MIS18A: variants seen among roughly 807,000 people sequenced by gnomAD.
The protein encoded by MIS18A is protein Mis18-alpha.
MIS18A carries 14 observed loss-of-function variants against 25.0 expected under a neutral mutation model. The ratio of observed to expected loss-of-function variants is 0.56; its 90% CI spans 0.37 to 0.88. MIS18A has a LOEUF of 0.88. Ranked by LOEUF, MIS18A falls within the 40% of genes least tolerant of loss-of-function variation. The pLI is 0.00. For synonymous variants in MIS18A, 134 were observed against 118.6 expected (o/e 1.13, Z -0.84); for missense variants, 292 against 290.8 (o/e 1.00, Z -0.03).
chr21:32,183,898 C>T, the MIS18A span, among the ~76,000 whole-genome samples: 1 of 152,216 alleles, frequency 6.6e-6, no homozygotes, highest in Non-Finnish European at 1.5e-5. Context: ...CAATATCAAA[C>T]ATGTTTTAGA....
chr21:32,164,756 C>T, the MIS18A span, among the ~76,000 whole-genome samples: 1 of 151,890 alleles, frequency 6.6e-6, no homozygotes, highest in Non-Finnish European at 1.5e-5. Context: ...ATAGAGACAT[C>T]CAGCACACTC....
chr21:32,214,210 C>A, the MIS18A span, among the ~76,000 whole-genome samples: 1 of 152,154 alleles, frequency 6.6e-6, no homozygotes, highest in Non-Finnish European at 1.5e-5. Flanking sequence ...ATCAGGTCCA[C>A]CTTGGAGGCC....
At chr21:32,273,715 C>T (rs986073520) in intron 2 of MIS18A, among the ~76,000 whole-genome samples, 3 of 152,040 alleles carry the variant, frequency 2.0e-5, no homozygotes, top group African/African-American at 7.3e-5. Flanking sequence ...CATAAGTGCA[C>T]AGAGTAATTT....
chr21:32,250,325 G>C, the MIS18A span, among the ~76,000 whole-genome samples: 16 of 152,100 alleles, frequency 1.1e-4, no homozygotes, highest in Admixed American at 2.6e-4. Context: ...AAGATAATCA[G>C]TTATCTTTAT....
chr21:32,258,564 A>T, the MIS18A span, among the ~76,000 whole-genome samples: 1 of 152,174 alleles, frequency 6.6e-6, no homozygotes, highest in Admixed American at 6.6e-5. Context: ...CAAAACAAAA[A>T]GTCCGACTCA....
chr21:32,170,211 C>A, the MIS18A span, among the ~76,000 whole-genome samples: 1 of 152,280 alleles, frequency 6.6e-6, no homozygotes, highest in Admixed American at 6.5e-5. Flanking sequence ...CACCTACACT[C>A]ATATTTTTAT....
At chr21:32,256,827 C>T in the MIS18A span, among the ~76,000 whole-genome samples, 1 of 152,152 alleles carries the variant, frequency 6.6e-6, no homozygotes, top group East Asian at 1.9e-4. Context: ...TTTCTTTTAA[C>T]CACCCATCTC....
downstream of MIS18A, among the ~76,000 whole-genome samples, chr21:32,267,756 C>G (rs552902048): frequency 9.2e-5 from 14 of 152,288 alleles, no homozygotes; most frequent in Admixed American, 7.2e-4. Flanking sequence ...GGACAGACAC[C>G]TGGGACTACA....
chr21:32,212,992 C>A, the MIS18A span, among the ~76,000 whole-genome samples: 6 of 152,258 alleles, frequency 3.9e-5, no homozygotes, highest in South Asian at 4.1e-4. Context: ...CAGGCTAATA[C>A]AATTATCAAG....
the MIS18A span, chr21:32,259,991 C>A: frequency 2.0e-5 from 3 of 151,702 alleles, no homozygotes; most frequent in African/African-American, 7.3e-5. Flanking sequence ...CACAGCACCA[C>A]TGCAGTTTGG....
chr21:32,193,458 T>C, the MIS18A span, among the ~76,000 whole-genome samples: 1 of 151,208 alleles, frequency 6.6e-6, no homozygotes, highest in Non-Finnish European at 1.5e-5. Flanking sequence ...CTTGATATAA[T>C]AGGTTGATGA....
the MIS18A span, among the ~76,000 whole-genome samples, chr21:32,235,888 T>C: frequency 2.6e-5 from 4 of 152,136 alleles, no homozygotes; most frequent in Non-Finnish European, 4.4e-5. Flanking sequence ...GGAGCTGTCC[T>C]GTCTGATCTC....
the MIS18A span, among the ~76,000 whole-genome samples, chr21:32,207,751 C>T: frequency 6.6e-6 from 1 of 151,844 alleles, no homozygotes; most frequent in Non-Finnish European, 1.5e-5. Context: ...AATTATAATA[C>T]CAAGTTCACC....
the MIS18A span, among the ~76,000 whole-genome samples, chr21:32,249,145 T>A: frequency 3.2e-4 from 49 of 152,204 alleles, no homozygotes; most frequent in Non-Finnish European, 5.9e-4. Context: ...GGCCCTGCCA[T>A]CTTGTATTTC....
the MIS18A span, among the ~76,000 whole-genome samples, chr21:32,188,340 T>C: frequency 6.6e-6 from 1 of 152,198 alleles, no homozygotes; most frequent in Non-Finnish European, 1.5e-5. Flanking sequence ...TTTGTATGGA[T>C]TCTCCAAGCT....
At chr21:32,227,460 G>C in the MIS18A span, among the ~76,000 whole-genome samples, 1 of 151,760 alleles carries the variant, frequency 6.6e-6, no homozygotes, top group South Asian at 2.1e-4. Flanking sequence ...AGATAACCTA[G>C]ATGAAACGGA....
chr21:32,244,125 A>C, the MIS18A span, among the ~76,000 whole-genome samples: 1 of 152,198 alleles, frequency 6.6e-6, no homozygotes, highest in Non-Finnish European at 1.5e-5. Context: ...ATGATCTGAA[A>C]AGCATTCTGC....
At chr21:32,221,376 A>G in the MIS18A span, among the ~76,000 whole-genome samples, 1 of 152,216 alleles carries the variant, frequency 6.6e-6, no homozygotes, top group Admixed American at 6.5e-5. Context: ...TATCCAGCCA[A>G]ACTAAGCTTC....
chr21:32,165,083 C>CA, the MIS18A span, among the ~76,000 whole-genome samples: 1 of 152,158 alleles, frequency 6.6e-6, no homozygotes, highest in Non-Finnish European at 1.5e-5. Flanking sequence ...CCTGTAATCC[C>CA]AGCACTTTGG....
Sources: allele counts gnomAD v4.1 joint callset (sites outside exome capture counted in the v4.1 genomes callset), GRCh38; gene constraint gnomAD v4.1.1; transcripts MANE v1.5; gene names NCBI Gene and HGNC (gene_info 2026-07-23, HGNC 2026-07-21).